Variants in ESR1 observed in about 807,000 individuals in gnomAD.
ESR1 encodes estrogen receptor.
Under a neutral mutation model 52.7 loss-of-function variants are expected in ESR1, and 12 were observed. The ratio of observed to expected loss-of-function variants is 0.23; its 90% CI spans 0.15 to 0.37. The LOEUF is 0.37. ESR1 is among the 10% of genes least tolerant of loss of function. The pLI is 1.00. For synonymous variants in ESR1, 305 were observed against 316.8 expected, an observed-to-expected ratio of 0.96 and a Z score of 0.39; for missense variants, 584 against 779.7, an observed-to-expected ratio of 0.75 and a Z score of 2.99.
At chr6:151,887,058 T>G (rs1228932243) in intron 3 of ESR1, among the ~76,000 whole-genome samples, 1 of 149,144 alleles carries the variant, frequency 6.7e-6, no homozygotes, top group Non-Finnish European at 1.5e-5. Flanking sequence ...AAAAAAAAAG[T>G]ATACAACCAA....
chr6:151,718,732 A>G (rs564992064), intron 2 of ESR1, among the ~76,000 whole-genome samples: 132 of 152,302 alleles, frequency 8.7e-4, no homozygotes, highest in African/African-American at 3.1e-3. Flanking sequence ...GTTAGTTTCA[A>G]TTTCATCAAG....
chr6:151,871,702 G>A (rs1390172527), intron 2 of ESR1, among the ~76,000 whole-genome samples: 1 of 152,208 alleles, frequency 6.6e-6, no homozygotes. Context: ...ACTGTGCCCG[G>A]CCAGCTCTGT....
chr6:151,724,954 G>A (rs529528595), intron 2 of ESR1, among the ~76,000 whole-genome samples: 39 of 152,054 alleles, frequency 2.6e-4, no homozygotes, highest in Non-Finnish European at 4.4e-4. Context: ...TAAGAGTTAC[G>A]TTTCTGAATT....
At chr6:152,009,709 T>C (rs576727447) in intron 4 of ESR1, among the ~76,000 whole-genome samples, 1 of 152,300 alleles carries the variant, frequency 6.6e-6, no homozygotes, top group Non-Finnish European at 1.5e-5. Flanking sequence ...GCATGCTATA[T>C]ACAGATATCC....
chr6:151,906,223 C>T (rs918981245), intron 3 of ESR1, among the ~76,000 whole-genome samples: 1 of 152,152 alleles, frequency 6.6e-6, no homozygotes, highest in Non-Finnish European at 1.5e-5. Context: ...TAACAATCAA[C>T]TGTATCTCCA....
chr6:151,746,182 C>A (rs996078915), intron 2 of ESR1, among the ~76,000 whole-genome samples: 3 of 152,116 alleles, frequency 2.0e-5, no homozygotes, highest in African/African-American at 7.2e-5. Context: ...CACAGGTGTG[C>A]AAATCTCTTT....
At chr6:152,095,269 T>C (rs1415027564) in intron 7 of ESR1, among the ~76,000 whole-genome samples, 1 of 152,260 alleles carries the variant, frequency 6.6e-6, no homozygotes, top group Non-Finnish European at 1.5e-5. Flanking sequence ...TATTACTCCT[T>C]ATGATTCAGC....
upstream of ESR1, among the ~76,000 whole-genome samples, chr6:151,690,145 C>G (rs1156512837): frequency 4.6e-5 from 7 of 152,180 alleles, no homozygotes; most frequent in Non-Finnish European, 1.0e-4. Context: ...GAAGATATTT[C>G]CTTGCCCCTG....
At chr6:151,674,922 C>T (rs1272119430) in intron 1 of ESR1, among the ~76,000 whole-genome samples, 1 of 152,094 alleles carries the variant, frequency 6.6e-6, no homozygotes, top group Non-Finnish European at 1.5e-5. Flanking sequence ...TTGAGAAATG[C>T]TATGTTTTCA....
At chr6:151,924,764 C>T (rs961876165) in intron 3 of ESR1, among the ~76,000 whole-genome samples, 1 of 152,144 alleles carries the variant, frequency 6.6e-6, no homozygotes, top group African/African-American at 2.4e-5. Flanking sequence ...ACAGGACATG[C>T]TCTCGTGTTT....
At chr6:152,047,130 TG>T (rs1427622700) in intron 5 of ESR1, among the ~76,000 whole-genome samples, 2 of 152,080 alleles carry the variant, frequency 1.3e-5, no homozygotes. Context: ...GCCCCCTACT[TG>T]CTACTCCCTG....
intron 3 of ESR1, among the ~76,000 whole-genome samples, chr6:151,898,424 T>C (rs1028242606): frequency 4.7e-4 from 70 of 150,428 alleles, no homozygotes; most frequent in African/African-American, 1.7e-3. Flanking sequence ...TTTTAATTGA[T>C]CATTCTTGGG....
intron 2 of ESR1, among the ~76,000 whole-genome samples, chr6:151,704,651 C>T (rs115872056): frequency 0.02 from 3,118 of 152,270 alleles, 38 homozygotes; most frequent in East Asian, 0.032. Context: ...AAGTAGTTTG[C>T]AGAATGACAG....
chr6:151,806,537 TATATATATATATATATATATACAC>T (rs1451973059), upstream of ESR1, among the ~76,000 whole-genome samples: 1 of 137,574 alleles, frequency 7.3e-6, no homozygotes, highest in Non-Finnish European at 1.6e-5. Flanking sequence ...TATGTATATA[TATATATATATATATATATATACAC>T]ATATATGTGT....
intron 1 of ESR1, among the ~76,000 whole-genome samples, chr6:151,696,403 C>T (rs1331649685): frequency 2.0e-5 from 3 of 151,690 alleles, no homozygotes; most frequent in Admixed American, 6.6e-5. Context: ...ACCTGGGAGG[C>T]GGAGGTTGCA....
intron 6 of ESR1, among the ~76,000 whole-genome samples, chr6:152,090,025 C>T (rs904498359): frequency 3.3e-5 from 5 of 152,208 alleles, no homozygotes; most frequent in Admixed American, 2.6e-4. Context: ...GCAGCAGCCT[C>T]GGGCTGTCCA....
intron 6 of ESR1, among the ~76,000 whole-genome samples, chr6:152,063,981 C>T (rs555831455): frequency 6.6e-6 from 1 of 152,316 alleles, no homozygotes; most frequent in African/African-American, 2.4e-5. Context: ...TGGAGAGGGT[C>T]TCTCAAATGC....
At chr6:151,958,824 C>T (rs2037304445) in intron 4 of ESR1, among the ~76,000 whole-genome samples, 1 of 152,196 alleles carries the variant, frequency 6.6e-6, no homozygotes, top group African/African-American at 2.4e-5. Flanking sequence ...TCCCCTGTAC[C>T]TCAGAACCCA....
At chr6:152,097,327 A>G (rs1156594101) in intron 7 of ESR1, among the ~76,000 whole-genome samples, 1 of 152,100 alleles carries the variant, frequency 6.6e-6, no homozygotes, top group African/African-American at 2.4e-5. Context: ...CTGACTGTAA[A>G]CGTGAATCAT....
Sources: allele counts gnomAD v4.1 joint callset (sites outside exome capture counted in the v4.1 genomes callset), GRCh38; gene constraint gnomAD v4.1.1; transcripts MANE v1.5; gene names NCBI Gene and HGNC (gene_info 2026-07-23, HGNC 2026-07-21).